The following ACYP2 variants were observed in gnomAD, a reference collection of about 807,000 sequenced individuals.
ACYP2 encodes acylphosphatase 2, also known as acylphosphatase-2.
Under a neutral mutation model 11.2 loss-of-function variants are expected in ACYP2, and 12 were observed. That is an observed-to-expected ratio of 1.08 (90% CI 0.69 to 1.74). ACYP2 has a LOEUF of 1.74. Ranked by LOEUF, ACYP2 falls within the 40% of genes most tolerant of loss-of-function variation. The pLI, the probability that ACYP2 is intolerant of heterozygous loss-of-function variation, is 0.00. For missense variants in ACYP2, 134 were observed against 101.9 expected (o/e 1.31, Z -1.35); for synonymous variants, 43 against 32.2 (o/e 1.33, Z -1.13).
At chr2:54,150,004 T>G (rs1314896556) in intron 6 of ACYP2, among the ~76,000 whole-genome samples, 1 of 152,198 alleles carries the variant, frequency 6.6e-6, no homozygotes, top group East Asian at 1.9e-4. Context: ...TTTGCTGAAT[T>G]TGCTTATTTC....
intron 6 of ACYP2, among the ~76,000 whole-genome samples, chr2:54,184,086 T>A (rs1013254207): frequency 7.2e-5 from 11 of 152,202 alleles, no homozygotes; most frequent in South Asian, 2.1e-4. Context: ...GAGAAAGGAT[T>A]TGACAAGGTA....
At chr2:54,260,577 T>TG (rs1202789305) in intron 6 of ACYP2, among the ~76,000 whole-genome samples, 2 of 152,006 alleles carry the variant, frequency 1.3e-5, no homozygotes, top group African/African-American at 4.8e-5. Flanking sequence ...ATGAGGTCAG[T>TG]GAAAAGGTGG....
chr2:54,004,632 G>C (rs918102601), intron 2 of ACYP2, among the ~76,000 whole-genome samples: 7 of 151,110 alleles, frequency 4.6e-5, no homozygotes, highest in South Asian at 2.1e-4. Context: ...GGATGGTCTT[G>C]ATCTCCTGAC....
intron 4 of ACYP2, among the ~76,000 whole-genome samples, chr2:54,097,129 T>C (rs903328462): frequency 6.6e-6 from 1 of 152,252 alleles, no homozygotes; most frequent in Non-Finnish European, 1.5e-5. Flanking sequence ...TCCGAGTCTC[T>C]GTTCCAAGGT....
At chr2:54,012,402 G>T (rs1202914426) in intron 2 of ACYP2, among the ~76,000 whole-genome samples, 5 of 152,174 alleles carry the variant, frequency 3.3e-5, no homozygotes, top group Admixed American at 6.5e-5. Context: ...TTGTAGTTCA[G>T]CTACTCAGGA....
chr2:54,157,710 G>T (rs1268396248), intron 6 of ACYP2, among the ~76,000 whole-genome samples: 1 of 152,232 alleles, frequency 6.6e-6, no homozygotes, highest in Non-Finnish European at 1.5e-5. Flanking sequence ...TCAAATAGTA[G>T]TAAGTGCCGT....
intron 6 of ACYP2, among the ~76,000 whole-genome samples, chr2:54,154,106 T>G (rs1682327235): frequency 6.6e-6 from 1 of 152,132 alleles, no homozygotes; most frequent in Non-Finnish European, 1.5e-5. Context: ...TTTCTTTAGA[T>G]AGTCTGTTGC....
intron 6 of ACYP2, among the ~76,000 whole-genome samples, chr2:54,290,795 G>C (rs1373186986): frequency 6.6e-6 from 1 of 152,132 alleles, no homozygotes; most frequent in Non-Finnish European, 1.5e-5. Flanking sequence ...CTTCATGTAG[G>C]AGTCGATTTT....
chr2:54,099,040 A>G (rs1490750884), intron 4 of ACYP2, among the ~76,000 whole-genome samples: 2 of 152,142 alleles, frequency 1.3e-5, no homozygotes, highest in African/African-American at 4.8e-5. Flanking sequence ...ATTGCAGACA[A>G]TATCTTAGAA....
chr2:54,003,552 G>T (rs1038091626), intron 2 of ACYP2, among the ~76,000 whole-genome samples: 1 of 152,122 alleles, frequency 6.6e-6, no homozygotes, highest in African/African-American at 2.4e-5. Context: ...GAGCCACTGT[G>T]CCTGGCCCAG....
chr2:54,276,843 A>G (rs1688615823), intron 6 of ACYP2, among the ~76,000 whole-genome samples: 1 of 152,084 alleles, frequency 6.6e-6, no homozygotes, highest in South Asian at 2.1e-4. Context: ...CATTTCCCAA[A>G]TATTTTCCTG....
At chr2:54,212,101 G>A (rs1338414169) in intron 6 of ACYP2, among the ~76,000 whole-genome samples, 1 of 152,298 alleles carries the variant, frequency 6.6e-6, no homozygotes, top group South Asian at 2.1e-4. Context: ...TGGTGATGGC[G>A]TGGCAGTGTT....
chr2:54,155,345 T>C (rs1682381498), intron 6 of ACYP2, among the ~76,000 whole-genome samples: 1 of 152,166 alleles, frequency 6.6e-6, no homozygotes, highest in Non-Finnish European at 1.5e-5. Flanking sequence ...ACATTTAGGC[T>C]TTTTCTTTTT....
At chr2:54,095,426 G>A (rs1358718726) in intron 4 of ACYP2, among the ~76,000 whole-genome samples, 11 of 152,240 alleles carry the variant, frequency 7.2e-5, no homozygotes, top group African/African-American at 2.2e-4. Flanking sequence ...GGTGGTGGCC[G>A]GGCAGAGGGG....
intron 6 of ACYP2, among the ~76,000 whole-genome samples, chr2:54,219,072 CATG>C (rs1179336264): frequency 6.6e-6 from 1 of 152,012 alleles, no homozygotes; most frequent in African/African-American, 2.4e-5. Context: ...TCTACAAGGG[CATG>C]ATATGATACA....
intron 6 of ACYP2, among the ~76,000 whole-genome samples, chr2:54,298,728 G>C (rs1282955699): frequency 6.6e-6 from 1 of 152,196 alleles, no homozygotes; most frequent in Non-Finnish European, 1.5e-5. Context: ...GAGAGCAGCT[G>C]CCCTGTCTGC....
intron 6 of ACYP2, among the ~76,000 whole-genome samples, chr2:54,235,129 A>C (rs949531288): frequency 2.6e-5 from 4 of 152,228 alleles, no homozygotes; most frequent in Admixed American, 1.3e-4. Flanking sequence ...CTATGTTTAT[A>C]AATGAGATTG....
intron 4 of ACYP2, among the ~76,000 whole-genome samples, chr2:54,081,094 G>A (rs1434085856): frequency 3.3e-5 from 5 of 152,162 alleles, no homozygotes; most frequent in Non-Finnish European, 7.4e-5. Flanking sequence ...TGAGTTCATC[G>A]TATTTTTATA....
At chr2:54,237,466 T>C (rs1285290837) in intron 6 of ACYP2, among the ~76,000 whole-genome samples, 2 of 152,222 alleles carry the variant, frequency 1.3e-5, no homozygotes, top group East Asian at 3.8e-4. Flanking sequence ...CGATACAAAT[T>C]CTCTACATGA....
Sources: allele counts gnomAD v4.1 joint callset (sites outside exome capture counted in the v4.1 genomes callset), GRCh38; gene constraint gnomAD v4.1.1; transcripts MANE v1.5; gene names NCBI Gene and HGNC (gene_info 2026-07-23, HGNC 2026-07-21).